MCC: variants seen among roughly 807,000 people sequenced by gnomAD.
MCC encodes MCC regulator of Wnt signaling pathway, also known as colorectal mutant cancer protein.
Under a neutral mutation model 116.2 loss-of-function variants are expected in MCC, and 90 were observed. The observed-to-expected ratio is 0.77, with a 90% CI of 0.65 to 0.92. The LOEUF is 0.92. Ranked by LOEUF, MCC falls within the 40% of genes least tolerant of loss-of-function variation. MCC has a pLI of 0.00. For missense variants in MCC, 1,516 were observed against 1,312.2 expected (o/e 1.16, Z -2.40); for synonymous variants, 578 against 510.5 (o/e 1.13, Z -1.78).
In MCC at chr5:113,196,295, C is replaced by G. The variant is rs540095949; in HGVS notation, c.628-44873G>C. On this transcript the variant is annotated intron_variant, in intron 3 of 18. Transcript: ENST00000408903. The stretch of plus-strand genomic sequence containing the variant: ...CATCAGGCTCTCATGACCTGGGTCA[C>G]AGTCAGGTGCCCAGGAGGTTAGCAG... Among the ~76,000 whole-genome samples the G allele has an allele frequency of 2.6e-5, 4 of 152,302 alleles. No individual in the cohort carries two copies. In the East Asian group the frequency reaches 7.7e-4, roughly 29 times the overall value.
intron 3 of MCC, among the ~76,000 whole-genome samples, chr5:113,329,451 T>C (rs1051421903): frequency 2.0e-5 from 3 of 150,584 alleles, no homozygotes; most frequent in Non-Finnish European, 4.4e-5. Flanking sequence ...TATATACATA[T>C]ATGTATACAC....
At chr5:113,160,340 C>T (rs1431632939) in intron 3 of MCC, among the ~76,000 whole-genome samples, 1 of 152,202 alleles carries the variant, frequency 6.6e-6, no homozygotes, top group Non-Finnish European at 1.5e-5. Flanking sequence ...CATATGCTCC[C>T]CTGAAAATAT....
intron 2 of MCC, among the ~76,000 whole-genome samples, chr5:113,378,083 T>C (rs1275861991): frequency 1.3e-5 from 2 of 152,204 alleles, no homozygotes; most frequent in African/African-American, 4.8e-5. Flanking sequence ...ATTTTGTATA[T>C]ATTAATTAAA....
intron 1 of MCC, among the ~76,000 whole-genome samples, chr5:113,428,267 T>C (rs923754926): frequency 2.0e-5 from 3 of 152,284 alleles, no homozygotes; most frequent in African/African-American, 7.2e-5. Context: ...TAGATTTTAA[T>C]GTATAACTAA....
At chr5:113,397,301 G>A (rs13180516) in intron 1 of MCC, among the ~76,000 whole-genome samples, 21,252 of 152,080 alleles carry the variant, frequency 0.14, 1,770 homozygotes, top group Non-Finnish European at 0.2. Flanking sequence ...ACACTGGCAT[G>A]ACGTTGAGCC....
At chr5:113,080,452 A>C (rs1174402690) in intron 11 of MCC, among the ~76,000 whole-genome samples, 1 of 152,238 alleles carries the variant, frequency 6.6e-6, no homozygotes, top group Non-Finnish European at 1.5e-5. Flanking sequence ...GCACACATAC[A>C]CCATGGAATA....
Position 113,466,881 on chromosome 5 carries a change from TG to T in MCC, c.170+21363del, listed in dbSNP as rs1252476891. Among the ~76,000 whole-genome samples, 123 of 152,342 alleles carry T rather than the reference TG, an allele frequency of 8.1e-4. 1 individual carries two copies. Among genetic ancestry groups the T allele is most frequent in the Middle Eastern group, 3.4e-3 (1 of 294 alleles). Reference sequence around the variant, plus strand: ...ACTTTTTAATGATCGCCATTCTAACTGGTGTGAGATGGTATCTCACTGTGGT... The same window carrying T: ...ACTTTTTAATGATCGCCATTCTAACTGTGTGAGATGGTATCTCACTGTGGT... On this transcript the variant is annotated intron_variant, in intron 1 of 18. Coordinates refer to ENST00000408903, the MANE Select transcript of MCC (RefSeq NM_001085377.2).
intron 3 of MCC, among the ~76,000 whole-genome samples, chr5:113,222,702 A>G (rs1763595741): frequency 6.6e-6 from 1 of 152,220 alleles, no homozygotes; most frequent in South Asian, 2.1e-4. Context: ...GAAATGGCAC[A>G]TATTTCTGTT....
At chr5:113,038,233 G>A (rs1262325505) in intron 17 of MCC, among the ~76,000 whole-genome samples, 1 of 152,172 alleles carries the variant, frequency 6.6e-6, no homozygotes, top group African/African-American at 2.4e-5. Flanking sequence ...GTGCTGTTTT[G>A]AGGCTTTAGC....
chr5:113,300,614 T>C (rs1351708097), intron 3 of MCC, among the ~76,000 whole-genome samples: 1 of 152,160 alleles, frequency 6.6e-6, no homozygotes, highest in East Asian at 1.9e-4. Context: ...CTCAGTCCTT[T>C]GAGTCCTTGA....
intron 3 of MCC, among the ~76,000 whole-genome samples, chr5:113,273,450 T>G (rs1765688291): frequency 6.6e-6 from 1 of 152,216 alleles, no homozygotes; most frequent in African/African-American, 2.4e-5. Context: ...TGCAGGGTCT[T>G]TCTCACTTGG....
intron 14 of MCC, among the ~76,000 whole-genome samples, chr5:113,057,399 G>C (rs1752905882): frequency 6.6e-6 from 1 of 152,160 alleles, no homozygotes; most frequent in African/African-American, 2.4e-5. Flanking sequence ...CAATTCCAGG[G>C]AGAGATGGTA....
At position 113,377,924 on chromosome 5, in the gene MCC, G is replaced by GA. The variant is rs577584009; in HGVS notation, c.415+7043dup. Reference sequence around the variant, plus strand: ...AATAAAACAAAACTACAACAAAAATGAAAAAAAAACCCTTTTACCTTCAAA... The same window carrying GA: ...AATAAAACAAAACTACAACAAAAATGAAAAAAAAAACCCTTTTACCTTCAAA... On this transcript the variant is annotated intron_variant, in intron 2 of 18. Coordinates refer to ENST00000408903, the MANE Select transcript of MCC (RefSeq NM_001085377.2). 3.4e-3 allele frequency among the ~76,000 whole-genome samples: 512 copies of GA among 149,750 alleles called. 2 individuals are homozygous for GA. Among genetic ancestry groups the GA allele is most frequent in the Non-Finnish European group, 6.1e-3 (410 of 67,278 alleles).
intron 1 of MCC, among the ~76,000 whole-genome samples, chr5:113,419,275 A>G (rs1770247949): frequency 6.6e-6 from 1 of 150,964 alleles, no homozygotes; most frequent in Admixed American, 6.6e-5. Context: ...GGCTCAAGGG[A>G]TCCTCCCACC....
At chr5:113,481,247 T>C (rs1359451749) in intron 1 of MCC, among the ~76,000 whole-genome samples, 1 of 152,176 alleles carries the variant, frequency 6.6e-6, no homozygotes, top group Non-Finnish European at 1.5e-5. Context: ...AGGGAGTCCT[T>C]TCAGGAAGAA....
At chr5:113,047,281 T>C (rs4262094) in intron 16 of MCC, among the ~76,000 whole-genome samples, 148,923 of 152,346 alleles carry the variant, frequency 0.98, 72,798 homozygotes, top group East Asian at 1. Flanking sequence ...ACAGACTGCC[T>C]GTCTACCACA....
At chr5:113,300,118 G>C (rs1766826017) in intron 3 of MCC, among the ~76,000 whole-genome samples, 1 of 152,146 alleles carries the variant, frequency 6.6e-6, no homozygotes, top group South Asian at 2.1e-4. Flanking sequence ...ATCTCTACAT[G>C]GCAGAAACTC....
intron 3 of MCC, among the ~76,000 whole-genome samples, chr5:113,330,556 A>G (rs1767674591): frequency 6.6e-6 from 1 of 152,254 alleles, no homozygotes; most frequent in Non-Finnish European, 1.5e-5. Flanking sequence ...AAGGATGGAA[A>G]AGAAACTACA....
chr5:113,371,913 T>A (rs10066985), intron 2 of MCC, among the ~76,000 whole-genome samples: 41,093 of 152,108 alleles, frequency 0.27, 7,497 homozygotes, highest in African/African-American at 0.52. Context: ...ACACTTTCTG[T>A]AAGCAGACTG....
Sources: gnomAD v4.1 joint callset for allele counts (sites outside exome capture counted in the v4.1 genomes callset) on GRCh38, gnomAD v4.1.1 for gene constraint, MANE v1.5 for transcripts, NCBI Gene and HGNC (gene_info 2026-07-23, HGNC 2026-07-21) for gene names.